The following SMARCB1 variants were observed in gnomAD, a reference collection of about 807,000 sequenced individuals.
SMARCB1 encodes SWI/SNF related BAF chromatin remodeling complex subunit B1, also known as SWI/SNF-related matrix-associated actin-dependent regulator of chromatin subfamily B member 1.
In SMARCB1, 5 loss-of-function variants were observed where a neutral mutation model predicts 49.0. The ratio of observed to expected loss-of-function variants is 0.10; its 90% CI spans 0.05 to 0.21. The LOEUF is 0.21. SMARCB1 is among the 10% of genes least tolerant of loss of function. The pLI, the probability that SMARCB1 is intolerant of heterozygous loss-of-function variation, is 1.00. For missense variants in SMARCB1, 226 were observed against 509.2 expected (o/e 0.44, Z 5.35); for synonymous variants, 201 against 200.1 (o/e 1.00, Z -0.04).
intron 5 of SMARCB1, among the ~76,000 whole-genome samples, chr22:23,804,539 G>A (rs1036988491): frequency 6.6e-6 from 1 of 151,724 alleles, no homozygotes; most frequent in African/African-American, 2.4e-5. Flanking sequence ...GTATCTTTCT[G>A]GTTTCTCTTT....
chr22:23,811,036 C>CAAAAAA (rs56238275), intron 5 of SMARCB1, among the ~76,000 whole-genome samples: 1 of 131,576 alleles, frequency 7.6e-6, no homozygotes. Context: ...GACTGTGTCT[C>CAAAAAA]AAAAAAAAAA....
At chr22:23,797,000 CTTTT>C (rs1166157626) in intron 3 of SMARCB1, among the ~76,000 whole-genome samples, 5 of 135,376 alleles carry the variant, frequency 3.7e-5, no homozygotes, top group African/African-American at 1.1e-4. Flanking sequence ...GGTTGTTTTT[CTTTT>C]TTTTTTTTTT....
At position 23,835,746 on chromosome 22, in the gene SMARCB1, T is replaced by C. The variant is rs2030994039; in HGVS notation, c.*1566T>C. On this transcript the variant is annotated 3_prime_UTR_variant, in exon 9 of 9. Transcript: ENST00000644036. ...GTCCATGAGGTAGGAACCTCGGCAATGAAAGGGTGAGGCAGCCCTGTGTCT... is the reference window on the plus strand; with the variant it reads ...GTCCATGAGGTAGGAACCTCGGCAACGAAAGGGTGAGGCAGCCCTGTGTCT... 3.8e-5 allele frequency: 37 copies of C among 985,428 alleles called. No homozygotes were observed. The highest frequency in any genetic ancestry group is 4.5e-5 in the Non-Finnish European group (37 of 829,938). The allele number at this position is 985,428 out of a possible 1,614,324, so 61.0% of individuals were successfully genotyped here.
At chr22:23,806,062 G>C (rs879416328) in intron 5 of SMARCB1, among the ~76,000 whole-genome samples, 10 of 152,324 alleles carry the variant, frequency 6.6e-5, no homozygotes, top group African/African-American at 2.4e-4. Context: ...GAGGGAGCTC[G>C]TACTCAGCTT....
chr22:23,836,034 G>A lies in SMARCB1; in HGVS notation c.*1854G>A, dbSNP rs2031021943. 1 of 985,398 alleles carries A rather than the reference G, an allele frequency of 1.0e-6. No homozygotes were observed. Among genetic ancestry groups the A allele is most frequent in the Admixed American group, 6.1e-5 (1 of 16,262 alleles). 61.0% of individuals were successfully genotyped at this position (985,398 alleles called of 1,614,324 possible). Reference sequence around the variant, plus strand: ...CCAGAAATAAACCACAACATGGACAGGCTTAGAACAACAAGGAAAGCTGCC... The same window carrying A: ...CCAGAAATAAACCACAACATGGACAAGCTTAGAACAACAAGGAAAGCTGCC... On this transcript the variant is annotated 3_prime_UTR_variant, in exon 9 of 9. Transcript: ENST00000644036.
intron 1 of SMARCB1, among the ~76,000 whole-genome samples, chr22:23,789,724 G>C (rs139196186): frequency 6.6e-6 from 1 of 152,282 alleles, no homozygotes; most frequent in Non-Finnish European, 1.5e-5. Context: ...GTTCTTTTGG[G>C]CCTGACTTAA....
At position 23,834,335 on chromosome 22, in the gene SMARCB1, C is replaced by T. The variant is rs1033273746; in HGVS notation, c.*155C>T. On this transcript the variant is annotated 3_prime_UTR_variant, in exon 9 of 9. Coordinates refer to ENST00000644036, the MANE Select transcript of SMARCB1 (RefSeq NM_003073.5). ...GGGGCTTCCAGGTGGCCCTTCCCGG[C>T]ACACATTCCATTTGTTGAGCCCCAG... The T allele has an allele frequency of 5.0e-6, 4 of 795,030 alleles. No homozygotes were observed. Among genetic ancestry groups the T allele is most frequent in the Non-Finnish European group, 6.4e-6 (3 of 470,330 alleles). The allele number at this position is 795,030 out of a possible 1,614,324, so 49.2% of individuals were successfully genotyped here. A position where few individuals can be genotyped will look rare whatever the true frequency, so the allele number is the denominator to read the frequency against.
intron 1 of SMARCB1, among the ~76,000 whole-genome samples, chr22:23,788,239 G>A (rs1601384372): frequency 1.3e-5 from 2 of 152,076 alleles, no homozygotes; most frequent in South Asian, 4.1e-4. Flanking sequence ...TCCCCAGCTA[G>A]TATATGTTAC....
At chr22:23,792,612 T>A (rs1928463013) in intron 2 of SMARCB1, 1 of 163,316 alleles carries the variant, frequency 6.1e-6, no homozygotes. Flanking sequence ...CCTGGGTGTG[T>A]CTGTGAGCAT....
chr22:23,814,579 C>G, intron 5 of SMARCB1, among the ~76,000 whole-genome samples: 1 of 149,314 alleles, frequency 6.7e-6, no homozygotes, highest in Admixed American at 6.7e-5. Flanking sequence ...GCAGGAGAAT[C>G]GCTTGAACCT....
intron 5 of SMARCB1, among the ~76,000 whole-genome samples, chr22:23,812,458 C>T (rs931028860): frequency 1.2e-4 from 19 of 152,028 alleles, no homozygotes; most frequent in Admixed American, 6.6e-4. Flanking sequence ...AAGAGGAGAA[C>T]GCACTTCCTG....
chr22:23,805,738 C>T (rs1298917430), intron 5 of SMARCB1, among the ~76,000 whole-genome samples: 2 of 152,228 alleles, frequency 1.3e-5, no homozygotes, highest in Non-Finnish European at 2.9e-5. Context: ...CTCCTGACCT[C>T]AGGTGATCCG....
chr22:23,809,236 A>G (rs932450386), intron 5 of SMARCB1, among the ~76,000 whole-genome samples: 4 of 151,562 alleles, frequency 2.6e-5, no homozygotes, highest in Non-Finnish European at 4.4e-5. Context: ...TCCTGTACCC[A>G]GTGACAATAT....
In SMARCB1 at chr22:23,835,396, C is replaced by T. The variant is rs979871990; in HGVS notation, c.*1216C>T. 4.0e-6 allele frequency: 4 copies of T among 988,400 alleles called. No homozygotes were observed. The African/African-American group carries it at 7.0e-5, about 17-fold the overall frequency. The allele number at this position is 988,400 out of a possible 1,614,324, so 61.2% of individuals were successfully genotyped here. A position where few individuals can be genotyped will look rare whatever the true frequency, so the allele number is the denominator to read the frequency against. On this transcript the variant is annotated 3_prime_UTR_variant, in exon 9 of 9. Coordinates refer to ENST00000644036, the MANE Select transcript of SMARCB1 (RefSeq NM_003073.5). ...GTTGGCAGGTCCCATGCTGCCAGGG[C>T]AGGGCTAGGGTCAGAGGCTGCTGTG...
At chr22:23,791,920 C>A in intron 2 of SMARCB1, 26 bp downstream of exon 2, 2 of 1,612,562 alleles carry the variant, frequency 1.2e-6, no homozygotes, top group Non-Finnish European at 1.7e-6. Flanking sequence ...GGTTTGTAAA[C>A]CTGTTTCAAA....
chr22:23,807,997 T>C (rs9612435), intron 5 of SMARCB1, among the ~76,000 whole-genome samples: 18,113 of 129,450 alleles, frequency 0.14, 1,256 homozygotes, highest in South Asian at 0.31. Context: ...AGTCTGTCGC[T>C]CAGGCTGGAG....
chr22:23,837,482 G>T lies in SMARCB1; in HGVS notation c.*3302G>T. 1.4e-6 allele frequency: 1 copy of T among 702,158 alleles called. No homozygotes were observed. Among genetic ancestry groups the T allele is most frequent in the Non-Finnish European group, 2.3e-6 (1 of 426,036 alleles). 43.5% of individuals were successfully genotyped at this position (702,158 alleles called of 1,614,324 possible). On this transcript the variant is annotated 3_prime_UTR_variant, in exon 9 of 9. Coordinates refer to ENST00000644036, the MANE Select transcript of SMARCB1 (RefSeq NM_003073.5). ...TCCGTCCTGACGATGCAAATTATGTGGGCCGGCTGGCTTGAGGGGCTGTAA... is the reference window on the plus strand; with the variant it reads ...TCCGTCCTGACGATGCAAATTATGTTGGCCGGCTGGCTTGAGGGGCTGTAA...
chr22:23,804,603 G>A lies in SMARCB1; in HGVS notation c.628+1181G>A, dbSNP rs577038054. On this transcript the variant is annotated intron_variant, in intron 5 of 8. Transcript: ENST00000644036. ...CTGTCGCCCAGGCTGGAGTGCGGTG[G>A]CACGATCTCGGCTCACTGCAACCTC... Among the ~76,000 whole-genome samples the A allele has an allele frequency of 3.9e-5, 6 of 152,284 alleles. No individual in the cohort carries two copies. The East Asian group carries it at 1.2e-3, about 29-fold the overall frequency.
chr22:23,803,113 C>G (rs760403735), intron 4 of SMARCB1, 182 bp from the exon 5 acceptor site: 72 of 735,584 alleles, frequency 9.8e-5, no homozygotes, highest in Non-Finnish European at 1.5e-4. Flanking sequence ...CCCAACTGTC[C>G]CCATTAGACC....
Sources: allele counts gnomAD v4.1 joint callset (sites outside exome capture counted in the v4.1 genomes callset), GRCh38; gene constraint gnomAD v4.1.1; transcripts MANE v1.5; gene names NCBI Gene and HGNC (gene_info 2026-07-23, HGNC 2026-07-21).